Variants in TPRG1 observed in about 807,000 individuals in gnomAD.
TPRG1 encodes tumor protein p63-regulated gene 1 protein.
Under a neutral mutation model 29.3 loss-of-function variants are expected in TPRG1, and 29 were observed. The observed-to-expected ratio is 0.99, with a 90% CI of 0.74 to 1.35. TPRG1 has a LOEUF of 1.35. Ranked by LOEUF, TPRG1 falls within the 40% of genes most tolerant of loss-of-function variation. The pLI, the probability that TPRG1 is intolerant of heterozygous loss-of-function variation, is 0.00. For missense variants in TPRG1, 327 were observed against 335.0 expected, an observed-to-expected ratio of 0.98 and a Z score of 0.19; for synonymous variants, 130 against 116.8, an observed-to-expected ratio of 1.11 and a Z score of -0.73.
chr3:189,197,802 T>G (rs1232482441), intron 1 of TPRG1, among the ~76,000 whole-genome samples: 1 of 152,076 alleles, frequency 6.6e-6, no homozygotes, highest in Non-Finnish European at 1.5e-5. Context: ...AAGAAAGAAT[T>G]TGTTATTCTG....
chr3:189,276,820 G>C (rs927402926), intron 4 of TPRG1, among the ~76,000 whole-genome samples: 6 of 151,950 alleles, frequency 3.9e-5, no homozygotes, highest in African/African-American at 1.5e-4. Flanking sequence ...CTGCTTCCTT[G>C]GGAAGAGACC....
At chr3:189,155,975 G>A (rs1726616013) in intron 5 of TPRG1, among the ~76,000 whole-genome samples, 2 of 152,048 alleles carry the variant, frequency 1.3e-5, no homozygotes, top group South Asian at 4.1e-4. Flanking sequence ...GAGAGTAGAT[G>A]GTAAATAGTC....
chr3:189,176,780 G>A (rs1286236398), intron 1 of TPRG1, among the ~76,000 whole-genome samples: 30 of 152,236 alleles, frequency 2.0e-4, no homozygotes, highest in Admixed American at 2.0e-3. Flanking sequence ...GGCGTGGAAC[G>A]AACTGAGTGG....
intron 4 of TPRG1, among the ~76,000 whole-genome samples, chr3:189,045,667 A>G (rs1257592391): frequency 2.0e-5 from 3 of 152,220 alleles, no homozygotes; most frequent in Non-Finnish European, 2.9e-5. Context: ...AATCATTATC[A>G]TTGTTACTAA....
intron 4 of TPRG1, among the ~76,000 whole-genome samples, chr3:189,063,618 C>G (rs1396511715): frequency 1.3e-5 from 2 of 152,036 alleles, no homozygotes; most frequent in African/African-American, 4.8e-5. Context: ...ACAGGAAATT[C>G]TCAAAATATG....
chr3:189,034,814 C>A (rs1173044824), intron 4 of TPRG1, among the ~76,000 whole-genome samples: 4 of 152,086 alleles, frequency 2.6e-5, no homozygotes, highest in Non-Finnish European at 5.9e-5. Flanking sequence ...AAAAACATTC[C>A]ATGCTCATTT....
At chr3:189,243,882 AC>A (rs2108970883) in intron 4 of TPRG1, among the ~76,000 whole-genome samples, 1 of 152,284 alleles carries the variant, frequency 6.6e-6, no homozygotes, top group South Asian at 2.1e-4. Flanking sequence ...CCTGGCTTTC[AC>A]TGTCTATATC....
intron 4 of TPRG1, among the ~76,000 whole-genome samples, chr3:189,272,685 TTCTTTCTTTC>T (rs1313859927): frequency 1.3e-4 from 20 of 148,818 alleles, no homozygotes; most frequent in Non-Finnish European, 2.5e-4. Flanking sequence ...TTTCTTTCCT[TTCTTTCTTTC>T]TCTTTCTTTC....
chr3:189,279,339 A>G (rs1024866222), intron 4 of TPRG1, among the ~76,000 whole-genome samples: 9 of 152,292 alleles, frequency 5.9e-5, no homozygotes, highest in African/African-American at 2.2e-4. Flanking sequence ...AGAGATCACA[A>G]CTGGGAAATC....
intron 1 of TPRG1, among the ~76,000 whole-genome samples, chr3:189,196,822 C>A (rs1056098198): frequency 6.6e-6 from 1 of 152,124 alleles, no homozygotes; most frequent in Admixed American, 6.5e-5. Context: ...ATAAAAATTT[C>A]ATTAGAATAA....
At chr3:189,258,221 C>T (rs6801108) in intron 4 of TPRG1, among the ~76,000 whole-genome samples, 49,550 of 151,106 alleles carry the variant, frequency 0.33, 11,597 homozygotes, top group African/African-American at 0.67. Flanking sequence ...ATTGATGTTA[C>T]TCTTTCCTGT....
chr3:189,235,630 C>G (rs898325098), intron 3 of TPRG1, among the ~76,000 whole-genome samples: 4 of 152,102 alleles, frequency 2.6e-5, no homozygotes, highest in African/African-American at 9.7e-5. Context: ...AGGAAAAATT[C>G]TAGGAATGGT....
At chr3:189,138,604 G>T (rs1724087737) in intron 3 of TPRG1, among the ~76,000 whole-genome samples, 1 of 152,164 alleles carries the variant, frequency 6.6e-6, no homozygotes, top group Non-Finnish European at 1.5e-5. Flanking sequence ...GCACGCATAG[G>T]AAGTTTAAAG....
At chr3:189,070,160 T>C (rs1242399344) in intron 4 of TPRG1, among the ~76,000 whole-genome samples, 1 of 152,184 alleles carries the variant, frequency 6.6e-6, no homozygotes, top group African/African-American at 2.4e-5. Context: ...ACAGAAATAA[T>C]TTCAAGTTAC....
chr3:189,134,403 CTTTTTTTTTTT>C (rs56318082), intron 3 of TPRG1, among the ~76,000 whole-genome samples: 1 of 121,150 alleles, frequency 8.3e-6, no homozygotes, highest in South Asian at 2.5e-4. Context: ...TGGGGGTATC[CTTTTTTTTTTT>C]TTTTTTTTTT....
intron 1 of TPRG1, among the ~76,000 whole-genome samples, chr3:189,193,588 T>G (rs554986200): frequency 6.7e-6 from 1 of 149,640 alleles, no homozygotes; most frequent in Admixed American, 6.7e-5. Flanking sequence ...TCTTGTAAGC[T>G]TTCCTCACTC....
At chr3:189,184,027 T>A (rs1730591660) in intron 1 of TPRG1, among the ~76,000 whole-genome samples, 1 of 152,170 alleles carries the variant, frequency 6.6e-6, no homozygotes, top group Non-Finnish European at 1.5e-5. Flanking sequence ...TAAGAAATTA[T>A]AAAAGTATTA....
Position 189,139,310 on chromosome 3 carries a change from G to A in TPRG1, c.-291+6613G>A, listed in dbSNP as rs868762079. Among the ~76,000 whole-genome samples, 9 of 152,296 alleles carry A rather than the reference G, an allele frequency of 5.9e-5. No individual in the cohort carries two copies. In the Middle Eastern group the frequency reaches 0.017, roughly 288 times the overall value. Reference sequence around the variant, plus strand: ...TTTCACAGACCCTCCTCTGTGTAGCGGAGATACTGACCACACTTTGGGGAG... The same window carrying A: ...TTTCACAGACCCTCCTCTGTGTAGCAGAGATACTGACCACACTTTGGGGAG... On this transcript the variant is annotated intron_variant, in intron 3 of 6. Transcript: ENST00000412373.
At chr3:189,159,856 G>GTA (rs1322614931) in intron 5 of TPRG1, among the ~76,000 whole-genome samples, 1 of 140,668 alleles carries the variant, frequency 7.1e-6, no homozygotes, top group Non-Finnish European at 1.6e-5. Context: ...GTGTGTGTGT[G>GTA]TGTGTGTGTG....
Sources: gnomAD v4.1 joint callset for allele counts (sites outside exome capture counted in the v4.1 genomes callset) on GRCh38, gnomAD v4.1.1 for gene constraint, MANE v1.5 for transcripts, NCBI Gene and HGNC (gene_info 2026-07-23, HGNC 2026-07-21) for gene names.